ZNF469: variants seen among roughly 807,000 people sequenced by gnomAD.
The protein encoded by ZNF469 is zinc finger protein 469.
A neutral mutation model predicts 1.0 loss-of-function variants in ZNF469; 1 was observed. The ratio of observed to expected loss-of-function variants is 1.00; its 90% CI spans 0.35 to 4.73. The LOEUF (loss-of-function observed/expected upper bound fraction) is 4.73. ZNF469 is among the 30% of genes most tolerant of loss of function. The pLI is 0.16. For synonymous variants in ZNF469, 2,703 were observed against 2,363.4 expected, an observed-to-expected ratio of 1.14 and a Z score of -4.17; for missense variants, 6,100 against 5,356.3, an observed-to-expected ratio of 1.14 and a Z score of -4.33.
the ZNF469 span, among the ~76,000 whole-genome samples, chr16:88,314,659 T>C: frequency 6.6e-6 from 1 of 151,042 alleles, no homozygotes; most frequent in Admixed American, 6.6e-5. Context: ...GCAGTGCTGG[T>C]GTGGGCTGTC....
the ZNF469 span, among the ~76,000 whole-genome samples, chr16:88,304,117 C>T: frequency 6.6e-6 from 1 of 152,210 alleles, no homozygotes; most frequent in African/African-American, 2.4e-5. Flanking sequence ...CTGGCCTTTG[C>T]AAGCAGTTTG....
intron 1 of ZNF469, among the ~76,000 whole-genome samples, chr16:88,397,897 C>T (rs1904737209): frequency 6.6e-6 from 1 of 152,210 alleles, no homozygotes; most frequent in Admixed American, 6.5e-5. Flanking sequence ...TCAGCTTTTG[C>T]TTCATGGCGT....
chr16:88,429,596 C>G lies in ZNF469; in HGVS notation c.2126C>G (p.Pro709Arg). The change falls in exon 3 of 3, where the codon CCG becomes CGG. Residue 709 changes from proline to arginine, a missense_variant. Coordinates refer to ENST00000565624, the MANE Select transcript of ZNF469 (RefSeq NM_001367624.2). ...RGGLQGFPRAPPPYPTHHFSL... is the reference protein window; with the variant it reads ...RGGLQGFPRARPPYPTHHFSL... Reference sequence around the variant, plus strand: ...GGGCTGCAGGGCTTCCCCCGTGCGCCGCCTCCGTACCCCACACACCACTTC... The same window carrying G: ...GGGCTGCAGGGCTTCCCCCGTGCGCGGCCTCCGTACCCCACACACCACTTC... 6.5e-7 allele frequency: 1 copy of G among 1,549,176 alleles called. No individual in the cohort carries two copies. Among genetic ancestry groups the G allele is most frequent in the African/African-American group, 1.4e-5 (1 of 73,166 alleles).
rs762160933 is a variant in ZNF469 at position 88,429,512 on chromosome 16, C to G, written c.2042C>G (p.Ala681Gly). ...FPADGLGAEGAFQCLEETPFP... is the reference protein window; with the variant it reads ...FPADGLGAEGGFQCLEETPFP... ...GCAGATGGGCTGGGAGCCGAGGGTG[C>G]CTTCCAGTGCCTGGAGGAGACCCCA... The change falls in exon 3 of 3, where the codon GCC (alanine) becomes GGC (glycine). Residue 681 changes from alanine (A) to glycine (G), a missense_variant. Coordinates refer to ENST00000565624, the MANE Select transcript of ZNF469 (RefSeq NM_001367624.2). The G allele has an allele frequency of 1.8e-5, 27 of 1,528,410 alleles. No homozygotes were observed. Among genetic ancestry groups the G allele is most frequent in the Non-Finnish European group, 2.4e-5 (27 of 1,134,300 alleles). 94.7% of individuals were successfully genotyped at this position (1,528,410 alleles called of 1,614,324 possible).
the ZNF469 span, among the ~76,000 whole-genome samples, chr16:88,117,477 G>T: frequency 2.0e-5 from 3 of 152,202 alleles, no homozygotes; most frequent in African/African-American, 7.2e-5. Context: ...TCAGGTCTCT[G>T]AATACTCAGC....
At chr16:88,305,373 C>CATGTGT in the ZNF469 span, among the ~76,000 whole-genome samples, 1 of 148,786 alleles carries the variant, frequency 6.7e-6, no homozygotes, top group African/African-American at 2.5e-5. Context: ...CACAGGCACA[C>CATGTGT]GCATGCACAC....
chr16:88,375,973 G>T, the ZNF469 span, among the ~76,000 whole-genome samples: 1 of 152,236 alleles, frequency 6.6e-6, no homozygotes, highest in African/African-American at 2.4e-5. Context: ...AAGCTCCCAG[G>T]GAAACTTGCC....
the ZNF469 span, among the ~76,000 whole-genome samples, chr16:88,336,499 C>CACTA: frequency 0.24 from 35,363 of 144,936 alleles, 4,717 homozygotes; most frequent in Non-Finnish European, 0.3. Flanking sequence ...TCACATGAGA[C>CACTA]ACATGCCAAT....
At chr16:88,174,132 TA>T in the ZNF469 span, among the ~76,000 whole-genome samples, 1 of 152,118 alleles carries the variant, frequency 6.6e-6, no homozygotes, top group Non-Finnish European at 1.5e-5. Context: ...ACAAGTAGGT[TA>T]AAAGTAAGAG....
the ZNF469 span, among the ~76,000 whole-genome samples, chr16:88,300,802 C>T: frequency 1.3e-5 from 2 of 152,134 alleles, no homozygotes; most frequent in African/African-American, 4.8e-5. Flanking sequence ...CGGTGGCTCA[C>T]GCATGTGATC....
the ZNF469 span, among the ~76,000 whole-genome samples, chr16:88,255,106 C>T: frequency 3.3e-5 from 5 of 152,084 alleles, no homozygotes; most frequent in African/African-American, 7.2e-5. Context: ...GCTTAGGGTC[C>T]GATAGCTGGG....
chr16:88,154,318 C>T, the ZNF469 span, among the ~76,000 whole-genome samples: 1 of 152,162 alleles, frequency 6.6e-6, no homozygotes, highest in Non-Finnish European at 1.5e-5. Context: ...CCACCACGCC[C>T]AGCTAATTTT....
Position 88,437,659 on chromosome 16 carries a change from C to A in ZNF469, c.10189C>A (p.Gln3397Lys). 1.3e-6 allele frequency: 2 copies of A among 1,546,838 alleles called. No homozygotes were observed. Among genetic ancestry groups the A allele is most frequent in the South Asian group, 2.4e-5 (2 of 83,952 alleles). ...AHGLLERPELQHTPLYACELC... is the reference protein window; with the variant it reads ...AHGLLERPELKHTPLYACELC... ...CGGGCTGCTGGAGCGGCCGGAGCTG[C>A]AGCACACGCCGCTGTATGCCTGCGA... is the stretch of plus-strand genomic sequence containing the variant. Residue 3397 changes from glutamine (Q) to lysine (K), a missense_variant, in exon 3 of 3, where the codon CAG becomes AAG. By Grantham distance (53) the Gln-to-Lys change is moderately conservative (BLOSUM62 1). Transcript: ENST00000565624.
chr16:88,239,609 T>C, the ZNF469 span, among the ~76,000 whole-genome samples: 1 of 140,394 alleles, frequency 7.1e-6, no homozygotes, highest in Non-Finnish European at 1.5e-5. Flanking sequence ...TGCCTCAGCC[T>C]CCCGAGTAGC....
the ZNF469 span, among the ~76,000 whole-genome samples, chr16:88,143,193 T>C: frequency 6.6e-6 from 1 of 152,212 alleles, no homozygotes; most frequent in African/African-American, 2.4e-5. Flanking sequence ...TCTTCAGTCA[T>C]GGCATCAGGG....
chr16:88,202,851 G>C, the ZNF469 span, among the ~76,000 whole-genome samples: 3 of 152,316 alleles, frequency 2.0e-5, no homozygotes, highest in East Asian at 3.9e-4. Context: ...GGCCAGGTCA[G>C]GTCCCTGCAG....
Position 88,434,069 on chromosome 16 carries a change from C to A in ZNF469, c.6599C>A (p.Thr2200Lys). The A allele has an allele frequency of 6.5e-7, 1 of 1,550,362 alleles. No individual in the cohort carries two copies. Among genetic ancestry groups the A allele is most frequent in the Non-Finnish European group, 8.7e-7 (1 of 1,146,944 alleles). Residue 2200 changes from threonine to lysine, a missense_variant, in exon 3 of 3, where the codon ACA becomes AAA. By Grantham distance (78) the Thr-to-Lys change is moderately conservative. Coordinates refer to ENST00000565624, the MANE Select transcript of ZNF469 (RefSeq NM_001367624.2). ...TCCCCGGTGGCTCCCCCGTCTTTGA[C>A]AACAAGCCCCTGCGATCCCAAGGAA... ...EDSPVAPPSL[T>K]TSPCDPKEAL...
the ZNF469 span, among the ~76,000 whole-genome samples, chr16:88,214,323 G>T: frequency 6.6e-6 from 1 of 152,152 alleles, no homozygotes; most frequent in Non-Finnish European, 1.5e-5. Context: ...TGTTCTCCAT[G>T]TGAGGGCTGG....
chr16:88,299,978 C>A, the ZNF469 span, among the ~76,000 whole-genome samples: 1 of 152,176 alleles, frequency 6.6e-6, no homozygotes, highest in Non-Finnish European at 1.5e-5. Context: ...CAGGTCTCTC[C>A]CCGGGGAGCC....
Sources: gnomAD v4.1 joint callset for allele counts (sites outside exome capture counted in the v4.1 genomes callset) on GRCh38, gnomAD v4.1.1 for gene constraint, MANE v1.5 for transcripts, NCBI Gene and HGNC (gene_info 2026-07-23, HGNC 2026-07-21) for gene names.